Variants in FAM117B observed in about 807,000 individuals in gnomAD.
The protein encoded by FAM117B is protein FAM117B.
In FAM117B, 22 loss-of-function variants were observed where a neutral mutation model predicts 52.8. That is an observed-to-expected ratio of 0.42 (90% CI 0.30 to 0.59). The LOEUF (loss-of-function observed/expected upper bound fraction) is 0.59. Among genes scored for constraint, FAM117B ranks in the 20% least tolerant of loss-of-function variants. The probability of loss-of-function intolerance (pLI) is 0.22; values close to 1 mark genes in which losing one functional copy is unlikely to be tolerated. For synonymous variants in FAM117B, 309 were observed against 324.1 expected, an observed-to-expected ratio of 0.95 and a Z score of 0.50; for missense variants, 678 against 802.6, an observed-to-expected ratio of 0.84 and a Z score of 1.88.
intron 4 of FAM117B, among the ~76,000 whole-genome samples, chr2:202,732,050 T>C (rs1000063948): frequency 2.0e-4 from 30 of 151,116 alleles, no homozygotes; most frequent in Admixed American, 1.3e-3. Flanking sequence ...ATTTTTCTTT[T>C]TTTTTTTTTT....
intron 2 of FAM117B, among the ~76,000 whole-genome samples, chr2:202,718,941 A>C (rs978785827): frequency 6.6e-6 from 1 of 152,222 alleles, no homozygotes; most frequent in African/African-American, 2.4e-5. Context: ...CTCCTAGAAG[A>C]AGCTCTTCGA....
rs192024325 is a variant in FAM117B, at chr2:202,727,053, C to G, written c.960+690C>G. On this transcript the variant is annotated intron_variant, in intron 4 of 7. Coordinates refer to ENST00000392238, the MANE Select transcript of FAM117B (RefSeq NM_173511.4). ...AACTGCTCTTGATGGCTCATCCATC[C>G]AAAGAACACTTTTTTTTACTGAATT... 1.9e-3 allele frequency among the ~76,000 whole-genome samples: 279 copies of G among 145,356 alleles called. 1 individual carries two copies. The highest frequency in any genetic ancestry group is 4.3e-3 in the South Asian group (20 of 4,700).
At chr2:202,736,530 G>T (rs979745061) in intron 4 of FAM117B, among the ~76,000 whole-genome samples, 1 of 152,134 alleles carries the variant, frequency 6.6e-6, no homozygotes, top group African/African-American at 2.4e-5. Context: ...GGAGTTCGAC[G>T]TAGATGGATC....
intron 4 of FAM117B, among the ~76,000 whole-genome samples, chr2:202,753,904 A>G (rs1179602408): frequency 1.3e-5 from 2 of 152,234 alleles, no homozygotes; most frequent in African/African-American, 2.4e-5. Flanking sequence ...GTGGAGAAAT[A>G]GGAATGCTTT....
At chr2:202,750,613 GACAC>G (rs914807277) in intron 4 of FAM117B, among the ~76,000 whole-genome samples, 1 of 152,148 alleles carries the variant, frequency 6.6e-6, no homozygotes, top group African/African-American at 2.4e-5. Flanking sequence ...ATTTTGGGGG[GACAC>G]ACACATCCAT....
At chr2:202,714,225 A>G (rs569811114) in intron 2 of FAM117B, among the ~76,000 whole-genome samples, 1 of 152,276 alleles carries the variant, frequency 6.6e-6, no homozygotes, top group South Asian at 2.1e-4. Context: ...TTTGTGACCT[A>G]ACATAGTCTG....
chr2:202,659,549 G>T (rs371886342), intron 1 of FAM117B, among the ~76,000 whole-genome samples: 86 of 147,550 alleles, frequency 5.8e-4, no homozygotes, highest in African/African-American at 2.1e-3. Context: ...AGGCTCAAGC[G>T]ATCCACCCCC....
At chr2:202,718,357 A>C (rs990881458) in intron 2 of FAM117B, among the ~76,000 whole-genome samples, 1 of 152,166 alleles carries the variant, frequency 6.6e-6, no homozygotes, top group African/African-American at 2.4e-5. Context: ...CTCCTTTATG[A>C]ATTTTATTTT....
chr2:202,767,812 TC>T lies in FAM117B; in HGVS notation c.*2050del, dbSNP rs1692006124. On this transcript the variant is annotated 3_prime_UTR_variant, in exon 8 of 8. Transcript: ENST00000392238. ...TGGATAAATTCAACATTTGAATAAA[TC>T]CGTCAGGTTTTAGATGGTGGGATTG... 6.6e-6 allele frequency: 1 copy of T among 152,234 alleles called. No homozygotes were observed. The allele number at this position is 152,234 out of a possible 1,614,324, so 9.4% of individuals were successfully genotyped here.
intron 2 of FAM117B, among the ~76,000 whole-genome samples, chr2:202,718,052 T>G (rs1298364713): frequency 6.6e-6 from 1 of 152,178 alleles, no homozygotes; most frequent in Admixed American, 6.5e-5. Flanking sequence ...AGCCTCACCT[T>G]GTAGCCACCA....
At chr2:202,682,516 A>C (rs1434421307) in intron 1 of FAM117B, among the ~76,000 whole-genome samples, 1 of 152,192 alleles carries the variant, frequency 6.6e-6, no homozygotes, top group Non-Finnish European at 1.5e-5. Flanking sequence ...GCCAATGCCG[A>C]AGTGGCTGGC....
At chr2:202,671,145 G>T (rs749238664) in intron 1 of FAM117B, among the ~76,000 whole-genome samples, 7 of 152,130 alleles carry the variant, frequency 4.6e-5, no homozygotes, top group Admixed American at 4.6e-4. Context: ...TAGTTTTGTC[G>T]ATCATAAACA....
intron 4 of FAM117B, among the ~76,000 whole-genome samples, chr2:202,734,254 G>A (rs1189200146): frequency 6.6e-6 from 1 of 152,122 alleles, no homozygotes; most frequent in Non-Finnish European, 1.5e-5. Context: ...TGGGTGTGGT[G>A]GTACCCGTTG....
chr2:202,728,641 C>A (rs1330852879), intron 4 of FAM117B, among the ~76,000 whole-genome samples: 1 of 152,006 alleles, frequency 6.6e-6, no homozygotes, highest in Non-Finnish European at 1.5e-5. Context: ...ATTTTTACTC[C>A]AAGTAGAATA....
intron 1 of FAM117B, among the ~76,000 whole-genome samples, chr2:202,690,490 A>G (rs527369108): frequency 6.6e-6 from 1 of 152,224 alleles, no homozygotes; most frequent in Non-Finnish European, 1.5e-5. Flanking sequence ...GTACCGGAAC[A>G]CAGGAACAGT....
intron 1 of FAM117B, among the ~76,000 whole-genome samples, chr2:202,693,900 A>G (rs1690669547): frequency 1.3e-5 from 2 of 152,076 alleles, no homozygotes; most frequent in Non-Finnish European, 2.9e-5. Context: ...TTGATCATTA[A>G]TTTTGAAATA....
intron 2 of FAM117B, among the ~76,000 whole-genome samples, chr2:202,712,380 GA>G (rs749041757): frequency 2.6e-4 from 36 of 138,458 alleles, no homozygotes; most frequent in Non-Finnish European, 5.1e-4. Flanking sequence ...TTTGTATGTT[GA>G]TTTTGTATCC....
intron 1 of FAM117B, among the ~76,000 whole-genome samples, chr2:202,648,020 G>A (rs1689895708): frequency 6.6e-6 from 1 of 152,072 alleles, no homozygotes; most frequent in Non-Finnish European, 1.5e-5. Flanking sequence ...CTACCAGAAT[G>A]TGTCTCTCTT....
At chr2:202,764,337 T>C (rs1472298787) in intron 7 of FAM117B, among the ~76,000 whole-genome samples, 1 of 152,088 alleles carries the variant, frequency 6.6e-6, no homozygotes, top group Non-Finnish European at 1.5e-5. Context: ...CGATTATGGC[T>C]CAGTACAACC....
Sources: gnomAD v4.1 joint callset for allele counts (sites outside exome capture counted in the v4.1 genomes callset) on GRCh38, gnomAD v4.1.1 for gene constraint, MANE v1.5 for transcripts, NCBI Gene and HGNC (gene_info 2026-07-23, HGNC 2026-07-21) for gene names.